Variants in ROBO2 observed in about 807,000 individuals in gnomAD.
The protein encoded by ROBO2 is roundabout homolog 2.
Under a neutral mutation model 160.8 loss-of-function variants are expected in ROBO2, and 53 were observed. The observed-to-expected ratio is 0.33, with a 90% confidence interval of 0.26 to 0.41. The LOEUF (loss-of-function observed/expected upper bound fraction) is 0.41, where lower values mean the gene tolerates loss of function less well. Among genes scored for constraint, ROBO2 ranks in the 10% least tolerant of loss-of-function variants. The pLI is 1.00. For synonymous variants in ROBO2, 664 were observed against 611.7 expected (o/e 1.09, Z -1.26); for missense variants, 1,577 against 1,722.4 (o/e 0.92, Z 1.49).
At chr3:76,632,669 T>C (rs139115206) in intron 2 of ROBO2, among the ~76,000 whole-genome samples, 1 of 152,364 alleles carries the variant, frequency 6.6e-6, no homozygotes, top group African/African-American at 2.4e-5. Flanking sequence ...CATTTTAATT[T>C]ACATAGTATA....
chr3:77,120,398 C>G (rs2074634182), intron 2 of ROBO2, among the ~76,000 whole-genome samples: 1 of 152,160 alleles, frequency 6.6e-6, no homozygotes. Context: ...AAGGAAATCA[C>G]ATTTTTCTCC....
intron 2 of ROBO2, among the ~76,000 whole-genome samples, chr3:77,106,306 G>A (rs1192858909): frequency 6.6e-6 from 1 of 152,184 alleles, no homozygotes; most frequent in African/African-American, 2.4e-5. Flanking sequence ...GCCTCCCAAA[G>A]TGCTGGGATT....
intron 2 of ROBO2, among the ~76,000 whole-genome samples, chr3:76,471,592 A>C (rs2078657740): frequency 1.3e-5 from 2 of 152,164 alleles, no homozygotes; most frequent in African/African-American, 4.8e-5. Flanking sequence ...CATAATTTTC[A>C]AAAATTCTTA....
At chr3:76,265,642 T>G (rs1053364982) in intron 2 of ROBO2, among the ~76,000 whole-genome samples, 2 of 152,248 alleles carry the variant, frequency 1.3e-5, no homozygotes, top group Non-Finnish European at 2.9e-5. Context: ...CCTGTAAGCA[T>G]TACAGTAAGT....
intron 3 of ROBO2, among the ~76,000 whole-genome samples, chr3:77,478,944 A>G (rs1430919854): frequency 4.6e-5 from 7 of 152,194 alleles, no homozygotes; most frequent in African/African-American, 2.4e-5. Context: ...AGACAGTTTA[A>G]TGGAAGGAAG....
intron 2 of ROBO2, among the ~76,000 whole-genome samples, chr3:77,016,399 C>G (rs1000275496): frequency 1.3e-5 from 2 of 152,134 alleles, no homozygotes; most frequent in Admixed American, 6.5e-5. Flanking sequence ...AGAACAAAAA[C>G]AAAAATGCTC....
chr3:76,731,500 C>A (rs1191197053), intron 2 of ROBO2, among the ~76,000 whole-genome samples: 4 of 151,398 alleles, frequency 2.6e-5, no homozygotes, highest in East Asian at 1.9e-4. Context: ...TTTTCAAGTT[C>A]TTTCTCAATG....
chr3:77,514,180 A>G (rs1045533541), intron 5 of ROBO2, among the ~76,000 whole-genome samples: 4 of 151,750 alleles, frequency 2.6e-5, no homozygotes, highest in African/African-American at 9.7e-5. Context: ...TAGCTGTTTC[A>G]TACCAAAATA....
At chr3:76,635,862 C>T (rs2090302565) in intron 2 of ROBO2, among the ~76,000 whole-genome samples, 1 of 152,210 alleles carries the variant, frequency 6.6e-6, no homozygotes, top group Admixed American at 6.5e-5. Flanking sequence ...AAAACTTCTT[C>T]AGAACTGAGC....
intron 2 of ROBO2, among the ~76,000 whole-genome samples, chr3:77,249,044 G>T (rs890424782): frequency 1.3e-5 from 2 of 151,976 alleles, no homozygotes; most frequent in African/African-American, 4.8e-5. Flanking sequence ...TAGAGAAGGG[G>T]TTTCTCCATG....
intron 16 of ROBO2, among the ~76,000 whole-genome samples, chr3:77,587,600 A>G (rs2094085581): frequency 6.6e-6 from 1 of 152,048 alleles, no homozygotes; most frequent in South Asian, 2.1e-4. Context: ...ACTAATTGAC[A>G]GGGGCTCTAG....
At chr3:76,205,362 C>T (rs1702750218) in intron 2 of ROBO2, among the ~76,000 whole-genome samples, 1 of 152,028 alleles carries the variant, frequency 6.6e-6, no homozygotes, top group Admixed American at 6.6e-5. Flanking sequence ...TGGTAAGTAC[C>T]TTTTGGAAAA....
intron 2 of ROBO2, among the ~76,000 whole-genome samples, chr3:77,197,841 A>G (rs1008347249): frequency 6.6e-6 from 1 of 152,192 alleles, no homozygotes; most frequent in Non-Finnish European, 1.5e-5. Flanking sequence ...TGCACCTAGA[A>G]TGTGGAGAAC....
chr3:76,042,396 C>T (rs2067300959), intron 2 of ROBO2, among the ~76,000 whole-genome samples: 2 of 151,928 alleles, frequency 1.3e-5, no homozygotes, highest in South Asian at 4.1e-4. Context: ...GCTGTGCTAT[C>T]ATTGAAAATG....
At chr3:77,409,293 G>T (rs766449155) in intron 2 of ROBO2, among the ~76,000 whole-genome samples, 3 of 151,656 alleles carry the variant, frequency 2.0e-5, no homozygotes, top group Non-Finnish European at 4.4e-5. Context: ...TTTAGTAGGC[G>T]ATTTCATAAC....
At chr3:76,329,861 G>A (rs142446448) in intron 2 of ROBO2, among the ~76,000 whole-genome samples, 16 of 152,176 alleles carry the variant, frequency 1.1e-4, no homozygotes, top group African/African-American at 3.6e-4. Context: ...TGCTTTTTCC[G>A]GGAGCAGTGA....
intron 2 of ROBO2, among the ~76,000 whole-genome samples, chr3:76,216,475 C>G (rs1254560038): frequency 3.9e-5 from 6 of 152,042 alleles, no homozygotes; most frequent in African/African-American, 1.5e-4. Flanking sequence ...ATCTACCAAG[C>G]AAATGGAAAA....
chr3:76,676,098 G>A (rs1401135982), intron 2 of ROBO2, among the ~76,000 whole-genome samples: 1 of 152,064 alleles, frequency 6.6e-6, no homozygotes, highest in Non-Finnish European at 1.5e-5. Flanking sequence ...TTACATTATT[G>A]AATAAAAATA....
intron 2 of ROBO2, among the ~76,000 whole-genome samples, chr3:77,339,506 A>C (rs555927327): frequency 6.6e-6 from 1 of 152,250 alleles, no homozygotes; most frequent in South Asian, 2.1e-4. Flanking sequence ...TGCAACTTGC[A>C]TCTGTGGACA....
Sources: gnomAD v4.1 joint callset for allele counts (sites outside exome capture counted in the v4.1 genomes callset) on GRCh38, gnomAD v4.1.1 for gene constraint, MANE v1.5 for transcripts, NCBI Gene and HGNC (gene_info 2026-07-23, HGNC 2026-07-21) for gene names.